CLASP1: variants seen among roughly 807,000 people sequenced by gnomAD.
The protein encoded by CLASP1 is CLIP-associating protein 1.
A neutral mutation model predicts 192.3 loss-of-function variants in CLASP1; 38 were observed. The observed-to-expected ratio is 0.20, with a 90% CI of 0.15 to 0.26. The LOEUF is 0.26. Ranked by LOEUF, CLASP1 falls within the 10% of genes least tolerant of loss-of-function variation. The pLI is 1.00. For synonymous variants in CLASP1, 691 were observed against 712.8 expected (o/e 0.97, Z 0.49); for missense variants, 1,433 against 1,932.5 (o/e 0.74, Z 4.85).
At chr2:121,619,152 C>A (rs2066923435) in intron 1 of CLASP1, among the ~76,000 whole-genome samples, 1 of 152,014 alleles carries the variant, frequency 6.6e-6, no homozygotes, top group Non-Finnish European at 1.5e-5. Context: ...GTAAAAGCAC[C>A]AAAATGAATA....
At chr2:121,610,799 AAG>A in intron 1 of CLASP1, among the ~76,000 whole-genome samples, 9 of 135,130 alleles carry the variant, frequency 6.7e-5, no homozygotes, top group African/African-American at 2.7e-4. Flanking sequence ...TTACAGGAGG[AAG>A]AGGAACTGGA....
intron 2 of CLASP1, among the ~76,000 whole-genome samples, chr2:121,554,945 TG>T (rs546113278): frequency 0.014 from 2,109 of 152,306 alleles, 49 homozygotes; most frequent in African/African-American, 0.048. Context: ...TCCTAGTGAC[TG>T]AATCATGCAC....
intron 26 of CLASP1, among the ~76,000 whole-genome samples, chr2:121,402,262 T>C (rs898281687): frequency 2.0e-5 from 3 of 152,240 alleles, no homozygotes; most frequent in African/African-American, 7.2e-5. Context: ...AAGTAATAGA[T>C]TACGGCTTAG....
intron 8 of CLASP1, among the ~76,000 whole-genome samples, chr2:121,498,685 G>T (rs78676700): frequency 0.037 from 5,643 of 152,222 alleles, 157 homozygotes; most frequent in East Asian, 0.14. Context: ...CTGGTATGTA[G>T]CACATCTAAA....
At chr2:121,612,429 AGAG>A (rs1559770663) in intron 1 of CLASP1, among the ~76,000 whole-genome samples, 1 of 149,372 alleles carries the variant, frequency 6.7e-6, no homozygotes, top group Non-Finnish European at 1.5e-5. Context: ...AAGAATTGAA[AGAG>A]GAGGAGGACT....
At chr2:121,379,375 C>T (rs2071078852) in intron 33 of CLASP1, among the ~76,000 whole-genome samples, 1 of 152,110 alleles carries the variant, frequency 6.6e-6, no homozygotes, top group Non-Finnish European at 1.5e-5. Context: ...CTTCTATGTT[C>T]ACAAGGCTGT....
At chr2:121,353,798 A>G (rs1372327999) in intron 37 of CLASP1, among the ~76,000 whole-genome samples, 1 of 152,162 alleles carries the variant, frequency 6.6e-6, no homozygotes, top group Non-Finnish European at 1.5e-5. Flanking sequence ...GCACGCACAC[A>G]CACACACACA....
chr2:121,591,256 A>G (rs1460938447), intron 2 of CLASP1, among the ~76,000 whole-genome samples: 1 of 152,176 alleles, frequency 6.6e-6, no homozygotes, highest in African/African-American at 2.4e-5. Context: ...TTTTTTTACA[A>G]GGCTATCCAT....
At position 121,595,055 on chromosome 2, in the gene CLASP1, A is replaced by T. The variant is rs543486670; in HGVS notation, c.195+10646T>A. 2.6e-5 allele frequency among the ~76,000 whole-genome samples: 4 copies of T among 152,322 alleles called. No homozygotes were observed. The East Asian group carries it at 7.7e-4, about 29-fold the overall frequency. ...ATTTTTCATTAAAGTCTAACTCAAA[A>T]TTCCCTCCCTTTAAGAAATCAACTG... On this transcript the variant is annotated intron_variant, in intron 2 of 39. Transcript: ENST00000263710.
intron 9 of CLASP1, 120 bp from the exon 10 acceptor site, chr2:121,462,725 A>T: frequency 1.6e-6 from 1 of 636,466 alleles, no homozygotes; most frequent in South Asian, 2.0e-5. Context: ...ACATTTTTTT[A>T]AAAGGCTTCA....
rs1348378790 is a variant in CLASP1 at position 121,428,245 on chromosome 2, T to C, written c.2018-815A>G. Among the ~76,000 whole-genome samples the C allele has an allele frequency of 2.0e-5, 3 of 152,092 alleles. No individual in the cohort carries two copies. In the East Asian group the frequency reaches 5.8e-4, roughly 29 times the overall value. ...CTACACATTCCTAAAACCTGCAATA[T>C]AGGAGAGAAAATTACAGCATTGACC... On this transcript the variant is annotated intron_variant, in intron 20 of 39. Coordinates refer to ENST00000263710, the Ensembl canonical transcript of CLASP1.
At chr2:121,450,532 A>G (rs1196369692) in intron 16 of CLASP1, among the ~76,000 whole-genome samples, 1 of 152,202 alleles carries the variant, frequency 6.6e-6, no homozygotes, top group African/African-American at 2.4e-5. Flanking sequence ...CTTGCAAAGA[A>G]GTGACTGCAG....
chr2:121,632,622 C>T (rs2069917370), intron 1 of CLASP1, among the ~76,000 whole-genome samples: 1 of 152,002 alleles, frequency 6.6e-6, no homozygotes, highest in African/African-American at 2.4e-5. Flanking sequence ...ATGCGCTGGA[C>T]GCGGTGGCTC....
intron 1 of CLASP1, among the ~76,000 whole-genome samples, chr2:121,637,166 G>A (rs1485399290): frequency 6.6e-6 from 1 of 152,112 alleles, no homozygotes; most frequent in Non-Finnish European, 1.5e-5. Context: ...AAAGAAAGGA[G>A]GGGAATTCAT....
At chr2:121,383,620 CACAG>C (rs2072317101) in intron 32 of CLASP1, among the ~76,000 whole-genome samples, 2 of 104,762 alleles carry the variant, frequency 1.9e-5, no homozygotes, top group South Asian at 6.0e-4. Context: ...ATGCTATTTA[CACAG>C]AGTCATCCTG....
intron 20 of CLASP1, among the ~76,000 whole-genome samples, chr2:121,429,783 C>T (rs2081071018): frequency 6.6e-6 from 1 of 152,178 alleles, no homozygotes; most frequent in Admixed American, 6.5e-5. Flanking sequence ...AGTCACAGAA[C>T]AGATAAGCTA....
chr2:121,624,114 T>C (rs1221211632), intron 1 of CLASP1, among the ~76,000 whole-genome samples: 2 of 152,140 alleles, frequency 1.3e-5, no homozygotes, highest in African/African-American at 4.8e-5. Context: ...TTTTCCCTAC[T>C]TTTTTTCCCT....
chr2:121,444,975 T>TA (rs772546937), intron 19 of CLASP1: 2 of 1,354,116 alleles, frequency 1.5e-6, no homozygotes, highest in East Asian at 9.2e-5. Context: ...TTAAGCAAAT[T>TA]AAAAAACAAG....
At chr2:121,350,537 C>A (rs575786199) in intron 37 of CLASP1, among the ~76,000 whole-genome samples, 2 of 152,154 alleles carry the variant, frequency 1.3e-5, no homozygotes, top group African/African-American at 4.8e-5. Context: ...AGAAGACGCT[C>A]GGCTTCACCT....
Sources: allele counts gnomAD v4.1 joint callset (sites outside exome capture counted in the v4.1 genomes callset), GRCh38; gene constraint gnomAD v4.1.1; transcripts MANE v1.5; gene names NCBI Gene and HGNC (gene_info 2026-07-23, HGNC 2026-07-21).